Variants in FMNL3 observed in about 807,000 individuals in gnomAD.
FMNL3 encodes the protein formin-like protein 3.
In FMNL3, 57 loss-of-function variants were observed where a neutral mutation model predicts 119.6. The ratio of observed to expected loss-of-function variants is 0.48; its 90% CI spans 0.39 to 0.59. The LOEUF (loss-of-function observed/expected upper bound fraction) is 0.59, where lower values mean the gene tolerates loss of function less well. Ranked by LOEUF, FMNL3 falls within the 20% of genes least tolerant of loss-of-function variation. FMNL3 has a pLI of 0.00. For synonymous variants in FMNL3, 491 were observed against 507.3 expected, an observed-to-expected ratio of 0.97 and a Z score of 0.43; for missense variants, 1,053 against 1,323.5, an observed-to-expected ratio of 0.80 and a Z score of 3.17.
chr12:49,638,028 A>G lies in FMNL3; in HGVS notation c.*7787T>C, dbSNP rs1942087098. 3.5e-6 allele frequency: 2 copies of G among 567,744 alleles called. No homozygotes were observed. The highest frequency in any genetic ancestry group is 6.3e-6 in the Non-Finnish European group (2 of 318,524). 35.2% of individuals were successfully genotyped at this position (567,744 alleles called of 1,614,324 possible). On this transcript the variant is annotated 3_prime_UTR_variant, in exon 26 of 26. Coordinates refer to ENST00000335154, the MANE Select transcript of FMNL3 (RefSeq NM_175736.5). ...AGCTCATGGTCTAATAGGAAGATAT[A>G]CATGAGAACTGTTATACAAAGGGGC... is the stretch of plus-strand genomic sequence containing the variant.
At chr12:49,681,081 T>A (rs1333074210) in intron 1 of FMNL3, among the ~76,000 whole-genome samples, 2 of 152,292 alleles carry the variant, frequency 1.3e-5, no homozygotes, top group Admixed American at 6.5e-5. Context: ...TATGAGTATG[T>A]GTGCTGAACA....
Position 49,642,084 on chromosome 12 carries a change from T to C in FMNL3, c.*3731A>G, listed in dbSNP as rs1332281119. On this transcript the variant is annotated 3_prime_UTR_variant, in exon 26 of 26. Coordinates refer to ENST00000335154, the MANE Select transcript of FMNL3 (RefSeq NM_175736.5). The surrounding 1 kb of genome is among the most constrained non-coding windows in gnomAD (Gnocchi z 5.8). Reference sequence around the variant, plus strand: ...ATTCATCTGTGTCTTGCTCCATTCCTTCTCACTCACTGTCCCACTGACTAT... The same window carrying C: ...ATTCATCTGTGTCTTGCTCCATTCCCTCTCACTCACTGTCCCACTGACTAT... 12 of 1,605,244 alleles carry C rather than the reference T, an allele frequency of 7.5e-6. No homozygotes were observed. The highest frequency in any genetic ancestry group is 1.0e-5 in the Non-Finnish European group (12 of 1,174,528).
At position 49,673,039 on chromosome 12, in the gene FMNL3, A is replaced by G. The variant is rs559754362; in HGVS notation, c.127-4485T>C. 1.1e-4 allele frequency among the ~76,000 whole-genome samples: 16 copies of G among 152,326 alleles called. No homozygotes were observed. The East Asian group carries it at 3.1e-3, about 29-fold the overall frequency. ...GGCTGTTTGTTTTGAGCAAATACAG[A>G]AAGTGAGAGGTAGTTTTATTAATGT... On this transcript the variant is annotated intron_variant, in intron 1 of 25. Transcript: ENST00000335154.
rs1268004781 is a variant in FMNL3 at position 49,638,350 on chromosome 12, G to T, written c.*7465C>A. The T allele has an allele frequency of 6.5e-6, 1 of 153,758 alleles. No homozygotes were observed. Among genetic ancestry groups the T allele is most frequent in the Non-Finnish European group, 1.4e-5 (1 of 69,126 alleles). 9.5% of individuals were successfully genotyped at this position (153,758 alleles called of 1,614,324 possible). A position where few individuals can be genotyped will look rare whatever the true frequency, so the allele number is the denominator to read the frequency against. ...ATCTTTAGCTTCTCTTGTCAATATG[G>T]ATTATCTAGCAGTACTGAGCTGGAT... On this transcript the variant is annotated 3_prime_UTR_variant, in exon 26 of 26. Coordinates refer to ENST00000335154, the MANE Select transcript of FMNL3 (RefSeq NM_175736.5).
At chr12:49,670,820 G>A (rs1267283181) in intron 1 of FMNL3, among the ~76,000 whole-genome samples, 2 of 152,220 alleles carry the variant, frequency 1.3e-5, no homozygotes, top group African/African-American at 4.8e-5. Context: ...CAGGACAGGA[G>A]CAAGAGGCCT....
rs562857504 is a variant in FMNL3, at chr12:49,637,333, A to G, written c.*8482T>C. ...CTCAGCCTTCCATCTGCATCTCTTCATCTCTGCCTCTCTTGCCTGCATTTC... is the reference window on the plus strand; with the variant it reads ...CTCAGCCTTCCATCTGCATCTCTTCGTCTCTGCCTCTCTTGCCTGCATTTC... On this transcript the variant is annotated 3_prime_UTR_variant, in exon 26 of 26. Transcript: ENST00000335154. The G allele has an allele frequency of 3.2e-4, 202 of 632,764 alleles. No individual in the cohort carries two copies. Among genetic ancestry groups the G allele is most frequent in the Non-Finnish European group, 5.0e-4 (178 of 354,942 alleles). 39.2% of individuals were successfully genotyped at this position (632,764 alleles called of 1,614,324 possible). A position where few individuals can be genotyped will look rare whatever the true frequency, so the allele number is the denominator to read the frequency against.
intron 1 of FMNL3, among the ~76,000 whole-genome samples, chr12:49,675,456 C>A (rs1283258419): frequency 6.6e-6 from 1 of 152,222 alleles, no homozygotes; most frequent in Non-Finnish European, 1.5e-5. Flanking sequence ...TCCCTCTCTT[C>A]ATGAGGTTCT....
At chr12:49,684,581 G>A (rs981161846) in intron 1 of FMNL3, among the ~76,000 whole-genome samples, 2 of 152,196 alleles carry the variant, frequency 1.3e-5, no homozygotes, top group Non-Finnish European at 2.9e-5. Flanking sequence ...ACATTCTAGA[G>A]AAATGACAGA....
At chr12:49,690,254 T>C (rs756179939) in intron 1 of FMNL3, among the ~76,000 whole-genome samples, 1 of 152,194 alleles carries the variant, frequency 6.6e-6, no homozygotes, top group Non-Finnish European at 1.5e-5. Flanking sequence ...TTATTTTGTA[T>C]ACCCCCAAGT....
chr12:49,672,122 G>A (rs1001629599), intron 1 of FMNL3, among the ~76,000 whole-genome samples: 4 of 152,156 alleles, frequency 2.6e-5, no homozygotes, highest in African/African-American at 4.8e-5. Flanking sequence ...TCTGATGTCC[G>A]AGGGACCTGC....
In FMNL3 at chr12:49,666,185, G is replaced by A; in HGVS notation, c.233C>T (p.Pro78Leu). 1 of 1,613,882 alleles carries A rather than the reference G, an allele frequency of 6.2e-7. No homozygotes were observed. The highest frequency in any genetic ancestry group is 8.5e-7 in the Non-Finnish European group (1 of 1,179,916). The stretch of plus-strand genomic sequence containing the variant: ...GAGTTTCTGAATGTAAGTGTGGGGA[G>A]GATTCTTCACCTGGAATCGTTCCTG... Reference protein sequence around the residue: ...CDQERFQVKNPPHTYIQKLQS... With the variant: ...CDQERFQVKNLPHTYIQKLQS... Residue 78 changes from proline (P) to leucine (L), a missense_variant, in exon 3 of 26, where the codon CCT becomes CTT. Pro to Leu is a moderately conservative substitution (Grantham distance 98, BLOSUM62 -3). Coordinates refer to ENST00000335154, the MANE Select transcript of FMNL3 (RefSeq NM_175736.5).
chr12:49,644,284 T>C lies in FMNL3; in HGVS notation c.*1531A>G. ...GCCTCAGACTTCTTCCTTAGTCTGG[T>C]CTGTGTCCACTTTTTCTAAAGTAAC... On this transcript the variant is annotated 3_prime_UTR_variant, in exon 26 of 26. Transcript: ENST00000335154. The C allele has an allele frequency of 7.0e-7, 1 of 1,418,472 alleles. No homozygotes were observed. The allele number at this position is 1,418,472 out of a possible 1,614,324, so 87.9% of individuals were successfully genotyped here.
chr12:49,696,550 G>A (rs2139031533), intron 1 of FMNL3, among the ~76,000 whole-genome samples: 1 of 152,310 alleles, frequency 6.6e-6, no homozygotes, highest in East Asian at 1.9e-4. Context: ...TACATGATCA[G>A]TACATGCACA....
intron 1 of FMNL3, among the ~76,000 whole-genome samples, chr12:49,693,306 G>A (rs1258324963): frequency 6.6e-6 from 1 of 152,148 alleles, no homozygotes; most frequent in Admixed American, 6.5e-5. Context: ...GGCGGTGGCA[G>A]TAGAGAAAAG....
intron 1 of FMNL3, among the ~76,000 whole-genome samples, chr12:49,692,615 T>G (rs1944635450): frequency 6.6e-6 from 1 of 152,202 alleles, no homozygotes; most frequent in African/African-American, 2.4e-5. Context: ...CTAATTGCCT[T>G]TTTAGATTAT....
chr12:49,707,000 G>A (rs1945066618), intron 1 of FMNL3, 55 bp downstream of exon 1: 2 of 1,541,082 alleles, frequency 1.3e-6, no homozygotes, highest in Admixed American at 2.0e-5. Flanking sequence ...TCCCAGCCCG[G>A]GCGTCGGGAC....
At chr12:49,661,729 T>C in intron 5 of FMNL3, 1 of 539,976 alleles carries the variant, frequency 1.9e-6, no homozygotes, top group Non-Finnish European at 3.3e-6. Context: ...CATCTCTCTG[T>C]CCTGTTCTCC....
rs1943249206 is a variant in FMNL3, at chr12:49,647,650, C to T, written c.2778+53G>A. The stretch of plus-strand genomic sequence containing the variant: ...CATACTTTAAGCCCAGGCTTCTCTC[C>T]CCCAGCCAGTTTTCTCGCAACCAAA... On this transcript the variant is annotated intron_variant, in intron 23 of 25. Coordinates refer to ENST00000335154, the MANE Select transcript of FMNL3 (RefSeq NM_175736.5). The surrounding 1 kb of genome is among the most constrained non-coding windows in gnomAD (Gnocchi z 4.9). 6.6e-7 allele frequency: 1 copy of T among 1,516,452 alleles called. No individual in the cohort carries two copies. The highest frequency in any genetic ancestry group is 9.2e-7 in the Non-Finnish European group (1 of 1,092,750). 93.9% of individuals were successfully genotyped at this position (1,516,452 alleles called of 1,614,324 possible).
At chr12:49,680,706 C>T (rs1397538438) in intron 1 of FMNL3, among the ~76,000 whole-genome samples, 5 of 152,212 alleles carry the variant, frequency 3.3e-5, no homozygotes, top group African/African-American at 1.2e-4. Flanking sequence ...CTTGAAATGT[C>T]TGATGTCCTA....
Sources: allele counts gnomAD v4.1 joint callset (sites outside exome capture counted in the v4.1 genomes callset), GRCh38; gene constraint gnomAD v4.1.1; non-coding constraint Gnocchi (gnomAD v3.1); transcripts MANE v1.5; gene names NCBI Gene and HGNC (gene_info 2026-07-23, HGNC 2026-07-21).